Variants in ADGRB3 observed in about 807,000 individuals in gnomAD.
ADGRB3 encodes brain-specific angiogenesis inhibitor 3.
ADGRB3 carries 37 observed loss-of-function variants against 193.4 expected under a neutral mutation model. The observed-to-expected ratio is 0.19, with a 90% CI of 0.15 to 0.25. The LOEUF (loss-of-function observed/expected upper bound fraction) is 0.25. Among genes scored for constraint, ADGRB3 ranks in the 10% least tolerant of loss-of-function variants. ADGRB3 has a pLI of 1.00. For synonymous variants in ADGRB3, 690 were observed against 644.2 expected (o/e 1.07, Z -1.08); for missense variants, 1,637 against 1,852.9 (o/e 0.88, Z 2.14).
intron 6 of ADGRB3, among the ~76,000 whole-genome samples, chr6:68,945,616 GAACT>G (rs527622691): frequency 4.6e-5 from 7 of 152,190 alleles, no homozygotes; most frequent in Admixed American, 3.9e-4. Flanking sequence ...TAAAAGACAA[GAACT>G]AACTATAGAA....
At chr6:69,057,630 T>C (rs1771582680) in intron 15 of ADGRB3, among the ~76,000 whole-genome samples, 3 of 152,070 alleles carry the variant, frequency 2.0e-5, no homozygotes, top group African/African-American at 7.2e-5. Flanking sequence ...CATTAAGCGA[T>C]TTTATCATGA....
In ADGRB3 at chr6:69,332,206, TGA is replaced by T. The variant is rs764987417; in HGVS notation, c.3103-716_3103-715del. 14 of 985,324 alleles carry T rather than the reference TGA, an allele frequency of 1.4e-5. No individual in the cohort carries two copies. The East Asian group carries it at 1.0e-3, about 72-fold the overall frequency. 61.0% of individuals were successfully genotyped at this position (985,324 alleles called of 1,614,324 possible). On this transcript the variant is annotated intron_variant, in intron 23 of 31. Transcript: ENST00000370598. ...TCTATGCAGTTTTTACAGTTTTACTTGAAAAAGGAAAAATATGTGTGATTTCA... is the reference window on the plus strand; with the variant it reads ...TCTATGCAGTTTTTACAGTTTTACTTAAAAGGAAAAATATGTGTGATTTCA...
intron 3 of ADGRB3, among the ~76,000 whole-genome samples, chr6:68,902,075 G>A (rs190140745): frequency 1.3e-5 from 2 of 152,028 alleles, no homozygotes; most frequent in East Asian, 3.9e-4. Context: ...TATCACTAGT[G>A]GCATTAGGTT....
rs1383680993 is a variant in ADGRB3 at position 68,993,830 on chromosome 6, C to G, written c.1797C>G (p.Thr599=). ...MLAGDGMSQV[T]KTLLDLTQRK... ...CAGGTGATGGAATGTCCCAGGTGAC[C>G]AAGACACTGTTGGATTTAACTCAGA... Residue 599 remains threonine, a synonymous_variant, in exon 11 of 32, where the codon ACC becomes ACG. Coordinates refer to ENST00000370598, the MANE Select transcript of ADGRB3 (RefSeq NM_001704.3). 1.2e-6 allele frequency: 2 copies of G among 1,613,920 alleles called. No individual in the cohort carries two copies. Among genetic ancestry groups the G allele is most frequent in the South Asian group, 2.2e-5 (2 of 91,068 alleles).
chr6:69,020,574 A>C (rs928133710), intron 13 of ADGRB3, among the ~76,000 whole-genome samples: 1 of 152,182 alleles, frequency 6.6e-6, no homozygotes, highest in Admixed American at 6.6e-5. Flanking sequence ...AAGCAGTCGA[A>C]TGCTGCAAAT....
At chr6:68,758,320 C>G (rs567110125) in intron 3 of ADGRB3, among the ~76,000 whole-genome samples, 2 of 152,190 alleles carry the variant, frequency 1.3e-5, no homozygotes, top group African/African-American at 4.8e-5. Flanking sequence ...CATCACTCAC[C>G]ACCAGAATCA....
intron 17 of ADGRB3, among the ~76,000 whole-genome samples, chr6:69,168,283 C>T (rs752507511): frequency 6.6e-6 from 1 of 151,990 alleles, no homozygotes; most frequent in Admixed American, 6.6e-5. Context: ...AGCCGAAAAA[C>T]GGTTTGGAGA....
rs1480932549 is a variant in ADGRB3, at chr6:68,674,316, T to C, written c.757+34884T>C. Among the ~76,000 whole-genome samples the C allele has an allele frequency of 2.0e-5, 3 of 152,166 alleles. No individual in the cohort carries two copies. In the East Asian group the frequency reaches 5.8e-4, roughly 29 times the overall value. On this transcript the variant is annotated intron_variant, in intron 3 of 31. Coordinates refer to ENST00000370598, the MANE Select transcript of ADGRB3 (RefSeq NM_001704.3). ...CATGATTTTAAAAGCTAAAAAAATTTTAGACGGCATGAAACATTGTAAGAC... is the reference window on the plus strand; with the variant it reads ...CATGATTTTAAAAGCTAAAAAAATTCTAGACGGCATGAAACATTGTAAGAC...
intron 3 of ADGRB3, among the ~76,000 whole-genome samples, chr6:68,688,157 A>G (rs1373752939): frequency 6.6e-6 from 1 of 152,162 alleles, no homozygotes; most frequent in Non-Finnish European, 1.5e-5. Context: ...AGATGGAGAA[A>G]GAACCTAAGA....
intron 21 of ADGRB3, among the ~76,000 whole-genome samples, chr6:69,325,592 C>T (rs1051050056): frequency 2.0e-5 from 3 of 152,116 alleles, no homozygotes; most frequent in Non-Finnish European, 4.4e-5. Flanking sequence ...CTCAAATTGC[C>T]TCATGACATG....
chr6:69,017,999 AC>A (rs1292553919), intron 12 of ADGRB3, among the ~76,000 whole-genome samples: 14 of 151,868 alleles, frequency 9.2e-5, no homozygotes, highest in South Asian at 2.1e-4. Context: ...GGCAATATTA[AC>A]TCTTTTTCCT....
chr6:68,803,687 C>A (rs911792551), intron 3 of ADGRB3, among the ~76,000 whole-genome samples: 1 of 152,098 alleles, frequency 6.6e-6, no homozygotes, highest in African/African-American at 2.4e-5. Context: ...ATATTCCTGC[C>A]TTTTCCTCAA....
At chr6:69,220,653 G>T (rs1467787197) in intron 17 of ADGRB3, among the ~76,000 whole-genome samples, 1 of 152,084 alleles carries the variant, frequency 6.6e-6, no homozygotes, top group Middle Eastern at 3.2e-3. Context: ...ACACAGTTGA[G>T]ATCCAAAACA....
chr6:68,949,319 T>C (rs1767854835), intron 6 of ADGRB3, among the ~76,000 whole-genome samples: 1 of 152,130 alleles, frequency 6.6e-6, no homozygotes. Flanking sequence ...AGAAATGCTT[T>C]CCTGGGAGCC....
intron 3 of ADGRB3, among the ~76,000 whole-genome samples, chr6:68,723,895 G>C (rs543030811): frequency 1.3e-5 from 2 of 151,442 alleles, no homozygotes; most frequent in Non-Finnish European, 3.0e-5. Context: ...GTATCTAAGA[G>C]GTTTGTACTG....
At chr6:68,784,115 A>G (rs1378102214) in intron 3 of ADGRB3, among the ~76,000 whole-genome samples, 7 of 152,172 alleles carry the variant, frequency 4.6e-5, no homozygotes, top group Admixed American at 4.6e-4. Context: ...ACTTTATTAT[A>G]AAACTTTCAC....
intron 3 of ADGRB3, among the ~76,000 whole-genome samples, chr6:68,765,396 A>G (rs1766489068): frequency 6.6e-6 from 1 of 152,144 alleles, no homozygotes; most frequent in Non-Finnish European, 1.5e-5. Context: ...CATAGGCATT[A>G]AAGATCATCA....
rs367595034 is a variant in ADGRB3 at position 68,856,545 on chromosome 6, C to G, written c.758-74014C>G. Among the ~76,000 whole-genome samples the G allele has an allele frequency of 1.8e-4, 27 of 152,202 alleles. No homozygotes were observed. The East Asian group carries it at 4.4e-3, about 25-fold the overall frequency. ...AGACTGGTGGCACTTTGCTCCTGCC[C>G]TAGAGATTTATGGAACTTTGAACTT... On this transcript the variant is annotated intron_variant, in intron 3 of 31. Coordinates refer to ENST00000370598, the MANE Select transcript of ADGRB3 (RefSeq NM_001704.3).
intron 17 of ADGRB3, among the ~76,000 whole-genome samples, chr6:69,142,369 G>T (rs892437061): frequency 6.6e-6 from 1 of 152,162 alleles, no homozygotes; most frequent in Non-Finnish European, 1.5e-5. Context: ...TCTGTCTTTT[G>T]TGTACAGTTG....
Sources: allele counts gnomAD v4.1 joint callset (sites outside exome capture counted in the v4.1 genomes callset), GRCh38; gene constraint gnomAD v4.1.1; transcripts MANE v1.5; gene names NCBI Gene and HGNC (gene_info 2026-07-23, HGNC 2026-07-21).